The following FGF12 variants were observed in gnomAD, a reference collection of about 807,000 sequenced individuals.
FGF12 encodes fibroblast growth factor 12B.
A neutral mutation model predicts 23.6 loss-of-function variants in FGF12; 14 were observed. The ratio of observed to expected loss-of-function variants is 0.59; its 90% CI spans 0.39 to 0.93. The LOEUF (loss-of-function observed/expected upper bound fraction) is 0.93, where lower values mean the gene tolerates loss of function less well. Among genes scored for constraint, FGF12 ranks in the 40% least tolerant of loss-of-function variants. The pLI is 0.00. For synonymous variants in FGF12, 62 were observed against 77.3 expected (o/e 0.80, Z 1.04); for missense variants, 175 against 217.8 (o/e 0.80, Z 1.24).
intron 4 of FGF12, among the ~76,000 whole-genome samples, chr3:192,255,863 C>T (rs548353855): frequency 6.6e-6 from 1 of 151,960 alleles, no homozygotes; most frequent in African/African-American, 2.4e-5. Context: ...ATGTCTTTCC[C>T]GAAGTTATAT....
chr3:192,483,747 C>T (rs974841789), intron 2 of FGF12, among the ~76,000 whole-genome samples: 23 of 151,756 alleles, frequency 1.5e-4, no homozygotes, highest in African/African-American at 4.8e-4. Flanking sequence ...AGTGGAAAGG[C>T]GTTCCAGCTA....
At chr3:192,549,597 A>G (rs568383074) in intron 2 of FGF12, among the ~76,000 whole-genome samples, 50 of 152,130 alleles carry the variant, frequency 3.3e-4, no homozygotes, top group Non-Finnish European at 6.2e-4. Context: ...GCCAAACATT[A>G]TTCTGGGTAT....
chr3:192,148,135 A>G (rs1419199463), intron 5 of FGF12, among the ~76,000 whole-genome samples: 1 of 152,200 alleles, frequency 6.6e-6, no homozygotes, highest in Admixed American at 6.5e-5. Context: ...AAATGAAAGC[A>G]GGGACCCCAG....
At chr3:192,572,470 C>T (rs992387950) in intron 2 of FGF12, among the ~76,000 whole-genome samples, 2 of 151,956 alleles carry the variant, frequency 1.3e-5, no homozygotes, top group Admixed American at 6.6e-5. Context: ...ATCAAAAGGA[C>T]ACAATAAGGA....
At chr3:192,158,363 T>TTTCTTTCTTTC (rs1714590526) in intron 5 of FGF12, among the ~76,000 whole-genome samples, 2 of 108,406 alleles carry the variant, frequency 1.8e-5, no homozygotes, top group African/African-American at 7.7e-5. Flanking sequence ...TCTTTCTTTC[T>TTTCTTTCTTTC]TTCTTTCTTT....
chr3:192,525,948 C>T (rs1461996337), intron 2 of FGF12, among the ~76,000 whole-genome samples: 3 of 151,934 alleles, frequency 2.0e-5, no homozygotes, highest in Admixed American at 6.6e-5. Context: ...CGAATTTTTG[C>T]GTTTTTAGTA....
At chr3:192,258,421 G>A (rs976149939) in intron 4 of FGF12, among the ~76,000 whole-genome samples, 2 of 152,098 alleles carry the variant, frequency 1.3e-5, no homozygotes, top group Non-Finnish European at 2.9e-5. Flanking sequence ...TCACACTACT[G>A]CATTCCAGCT....
chr3:192,385,597 C>G (rs1720006929), intron 2 of FGF12, among the ~76,000 whole-genome samples: 1 of 152,168 alleles, frequency 6.6e-6, no homozygotes, highest in Admixed American at 6.5e-5. Context: ...TCTCTTCCCA[C>G]TCTGGGCTCC....
intron 4 of FGF12, among the ~76,000 whole-genome samples, chr3:192,254,866 G>A (rs1712280513): frequency 6.6e-6 from 1 of 151,976 alleles, no homozygotes; most frequent in Admixed American, 6.6e-5. Flanking sequence ...ATTTTATAAT[G>A]AACACATATA....
chr3:192,339,917 C>T (rs754586829), intron 3 of FGF12, among the ~76,000 whole-genome samples: 17 of 152,066 alleles, frequency 1.1e-4, no homozygotes, highest in Non-Finnish European at 2.4e-4. Context: ...GACAAAAACA[C>T]GTTATTTCCA....
intron 2 of FGF12, among the ~76,000 whole-genome samples, chr3:192,507,024 T>C: frequency 6.6e-6 from 1 of 151,912 alleles, no homozygotes; most frequent in East Asian, 1.9e-4. Flanking sequence ...CCCAAGTAGC[T>C]GGGACTACAG....
intron 4 of FGF12, among the ~76,000 whole-genome samples, chr3:192,269,290 C>T (rs1483693580): frequency 4.6e-5 from 7 of 152,318 alleles, no homozygotes; most frequent in Admixed American, 6.5e-5. Flanking sequence ...AAATGCCTCT[C>T]TTCCAAATTT....
intron 4 of FGF12, among the ~76,000 whole-genome samples, chr3:192,286,675 T>C (rs1714465085): frequency 6.6e-6 from 1 of 152,070 alleles, no homozygotes; most frequent in Admixed American, 6.6e-5. Context: ...ATCTATTGTG[T>C]TAATTAATAT....
chr3:192,312,197 G>A (rs1373963293), intron 4 of FGF12, among the ~76,000 whole-genome samples: 4 of 151,922 alleles, frequency 2.6e-5, no homozygotes, highest in Admixed American at 6.6e-5. Context: ...TTCTTTTGTT[G>A]GTTGTGCTTT....
chr3:192,418,241 TGCTTAGGCCAGGA>T (rs1721413723), intron 2 of FGF12, among the ~76,000 whole-genome samples: 1 of 152,100 alleles, frequency 6.6e-6, no homozygotes, highest in African/African-American at 2.4e-5. Flanking sequence ...AATATGTCAA[TGCTTAGGCCAGGA>T]GCTACATACT....
At chr3:192,263,559 A>C (rs570823342) in intron 4 of FGF12, among the ~76,000 whole-genome samples, 225 of 152,100 alleles carry the variant, frequency 1.5e-3, no homozygotes, top group Non-Finnish European at 2.4e-3. Context: ...GAAAAAAAAA[A>C]AACTATTCCT....
At chr3:192,307,601 A>T (rs1030346137) in intron 4 of FGF12, among the ~76,000 whole-genome samples, 1 of 152,200 alleles carries the variant, frequency 6.6e-6, no homozygotes, top group Non-Finnish European at 1.5e-5. Flanking sequence ...CAAACCAAAC[A>T]ACAATAATAA....
At chr3:192,523,599 G>C (rs193220398) in intron 2 of FGF12, among the ~76,000 whole-genome samples, 2 of 152,098 alleles carry the variant, frequency 1.3e-5, no homozygotes, top group Non-Finnish European at 2.9e-5. Context: ...TTTAGCTTTC[G>C]TATTATCCAA....
At chr3:192,315,678 T>C (rs1355736916) in intron 4 of FGF12, among the ~76,000 whole-genome samples, 3 of 152,192 alleles carry the variant, frequency 2.0e-5, no homozygotes, top group Non-Finnish European at 4.4e-5. Flanking sequence ...CTAATGTTTT[T>C]ACATTTTGCA....
Sources: allele counts gnomAD v4.1 joint callset (sites outside exome capture counted in the v4.1 genomes callset), GRCh38; gene constraint gnomAD v4.1.1; transcripts MANE v1.5; gene names NCBI Gene and HGNC (gene_info 2026-07-23, HGNC 2026-07-21).